The following RSPH14 variants were observed in gnomAD, a reference collection of about 807,000 sequenced individuals.
RSPH14 encodes the protein rhabdoid tumor deletion region gene 1.
RSPH14 carries 20 observed loss-of-function variants against 26.7 expected under a neutral mutation model. The ratio of observed to expected loss-of-function variants is 0.75; its 90% confidence interval spans 0.53 to 1.09. The LOEUF is 1.09. Ranked by LOEUF, RSPH14 falls within the 50% of genes least tolerant of loss-of-function variation. The pLI is 0.00. For synonymous variants in RSPH14, 177 were observed against 189.3 expected (o/e 0.93, Z 0.53); for missense variants, 449 against 457.2 (o/e 0.98, Z 0.16).
At chr22:23,146,649 T>C (rs747218119), upstream of RSPH14, 1 of 1,613,930 alleles carries the variant, frequency 6.2e-7, no homozygotes, top group Admixed American at 1.7e-5. Flanking sequence ...TGGGGCCCCC[T>C]GTGAGCCGCG....
intron 4 of RSPH14, among the ~76,000 whole-genome samples, chr22:23,079,283 G>A (rs993043832): frequency 6.6e-6 from 1 of 152,252 alleles, no homozygotes; most frequent in African/African-American, 2.4e-5. Context: ...TGGGCAGGGA[G>A]GCCTCCTAAG....
chr22:23,177,058 A>G, the RSPH14 span, among the ~76,000 whole-genome samples: 2 of 152,302 alleles, frequency 1.3e-5, no homozygotes, highest in East Asian at 1.9e-4. Context: ...TTTTCCTTGC[A>G]TTTAGAATAA....
intron 4 of RSPH14, among the ~76,000 whole-genome samples, chr22:23,084,990 C>A (rs964151692): frequency 6.6e-6 from 1 of 152,206 alleles, no homozygotes; most frequent in African/African-American, 2.4e-5. Context: ...TACCAACCCC[C>A]ATCCTGTCCT....
At chr22:23,110,521 A>C (rs1038736151) in intron 4 of RSPH14, among the ~76,000 whole-genome samples, 1 of 152,004 alleles carries the variant, frequency 6.6e-6, no homozygotes, top group Non-Finnish European at 1.5e-5. Context: ...CAGGTCCTTA[A>C]AGAGACAGAG....
At position 23,061,088 on chromosome 22, in the gene RSPH14, G is replaced by A. The variant is rs1051386573; in HGVS notation, c.790+721C>T. On this transcript the variant is annotated intron_variant, in intron 6 of 6. Coordinates refer to ENST00000216036, the MANE Select transcript of RSPH14 (RefSeq NM_014433.3). ...TCTGCATACCTCAAGCAGCATTAGG[G>A]TCAGGTGTGCAGGGCCTGGGAGGAC... Among the ~76,000 whole-genome samples, 5 of 152,208 alleles carry A rather than the reference G, an allele frequency of 3.3e-5. No individual in the cohort carries two copies. In the South Asian group the frequency reaches 1.0e-3, roughly 32 times the overall value.
At chr22:23,132,349 G>A (rs1361420990) in intron 4 of RSPH14, among the ~76,000 whole-genome samples, 2 of 152,022 alleles carry the variant, frequency 1.3e-5, no homozygotes, top group African/African-American at 4.8e-5. Flanking sequence ...TGCATCATGC[G>A]ACCAGGCAGG....
chr22:23,146,613 A>G, upstream of RSPH14: 1 of 1,613,954 alleles, frequency 6.2e-7, no homozygotes, highest in Non-Finnish European at 8.5e-7. Context: ...AGGACTGTGG[A>G]AGAATGAGGT....
intron 3 of RSPH14, chr22:23,136,114 C>T (rs911270442): frequency 5.4e-5 from 32 of 592,740 alleles, no homozygotes; most frequent in South Asian, 4.3e-4. Context: ...TTCCTTGGTC[C>T]GTGTCTAGTC....
chr22:23,105,355 A>ATTT (rs1327632280), intron 4 of RSPH14, among the ~76,000 whole-genome samples: 1 of 152,226 alleles, frequency 6.6e-6, no homozygotes, highest in African/African-American at 2.4e-5. Context: ...AAGGATGAAT[A>ATTT]TTTTTGAAAA....
chr22:23,161,697 C>A, the RSPH14 span: 1 of 739,880 alleles, frequency 1.4e-6, no homozygotes, highest in Non-Finnish European at 2.2e-6. Context: ...TCCAGTCCCT[C>A]CACCCACCCA....
Position 23,140,271 on chromosome 22 carries a change from C to A in RSPH14, c.150G>T (p.Leu50Phe), listed in dbSNP as rs761251070. ...LQTRQKALMA[L>F]CDLMHDPECI... ...ACTCGGGGTCATGCATGAGGTCACA[C>A]AAGGCCATGAGGGCTTTCTGCCTCG... is the stretch of plus-strand genomic sequence containing the variant. Residue 50 changes from leucine (L) to phenylalanine (F), a missense_variant, in exon 2 of 7, where the codon TTG becomes TTT. Leu to Phe is a conservative substitution (Grantham distance 22, BLOSUM62 0). Transcript: ENST00000216036. 1.4e-5 allele frequency: 22 copies of A among 1,614,064 alleles called. No homozygotes were observed. In the African/African-American group the frequency reaches 2.5e-4, roughly 19 times the overall value.
At chr22:23,170,959 G>T in the RSPH14 span, among the ~76,000 whole-genome samples, 1 of 151,940 alleles carries the variant, frequency 6.6e-6, no homozygotes, top group East Asian at 1.9e-4. Context: ...TTAGCCTGTT[G>T]CACTTTCTTT....
chr22:23,175,313 T>A, the RSPH14 span, among the ~76,000 whole-genome samples: 2 of 151,204 alleles, frequency 1.3e-5, no homozygotes, highest in Admixed American at 1.3e-4. Flanking sequence ...TCTATTTTTT[T>A]TTAAATTACA....
chr22:23,171,880 A>T, the RSPH14 span, among the ~76,000 whole-genome samples: 1 of 149,670 alleles, frequency 6.7e-6, no homozygotes, highest in South Asian at 2.1e-4. Flanking sequence ...AAGCAATGTT[A>T]TTGACAACAG....
At chr22:23,082,054 C>T (rs1449289818) in intron 4 of RSPH14, among the ~76,000 whole-genome samples, 23 of 137,682 alleles carry the variant, frequency 1.7e-4, no homozygotes, top group African/African-American at 5.1e-4. Flanking sequence ...GAACCCAGGA[C>T]GCGGAGCTTG....
At chr22:23,113,287 C>T (rs2146369087) in intron 4 of RSPH14, among the ~76,000 whole-genome samples, 1 of 152,336 alleles carries the variant, frequency 6.6e-6, no homozygotes, top group African/African-American at 2.4e-5. Flanking sequence ...TCCTTCTCTC[C>T]CACAGATCTT....
At chr22:23,150,523 G>A in the RSPH14 span, among the ~76,000 whole-genome samples, 2 of 151,960 alleles carry the variant, frequency 1.3e-5, no homozygotes, top group East Asian at 3.9e-4. Flanking sequence ...GGATGGTCTC[G>A]ATCTCCTGAC....
upstream of RSPH14, among the ~76,000 whole-genome samples, chr22:23,142,385 G>A (rs976776998): frequency 7.2e-5 from 11 of 152,012 alleles, no homozygotes; most frequent in African/African-American, 2.4e-4. Flanking sequence ...GCGCGATCTT[G>A]ACTCACTGCA....
At chr22:23,119,080 TCA>T (rs1239149955) in intron 4 of RSPH14, among the ~76,000 whole-genome samples, 1 of 152,178 alleles carries the variant, frequency 6.6e-6, no homozygotes, top group Admixed American at 6.5e-5. Flanking sequence ...CATGCTTGAG[TCA>T]CAGTTTCCAG....
Sources: allele counts gnomAD v4.1 joint callset (sites outside exome capture counted in the v4.1 genomes callset), GRCh38; gene constraint gnomAD v4.1.1; transcripts MANE v1.5; gene names NCBI Gene and HGNC (gene_info 2026-07-23, HGNC 2026-07-21).